Variants in CDH23 observed in about 807,000 individuals in gnomAD.
CDH23 encodes the protein cadherin-23.
In CDH23, 189 loss-of-function variants were observed where a neutral mutation model predicts 317.1. The observed-to-expected ratio is 0.60, with a 90% CI of 0.53 to 0.67. The LOEUF (loss-of-function observed/expected upper bound fraction) is 0.67. Among genes scored for constraint, CDH23 ranks in the 30% least tolerant of loss-of-function variants. The pLI is 0.00. For missense variants in CDH23, 4,401 were observed against 4,592.4 expected (o/e 0.96, Z 1.20); for synonymous variants, 1,839 against 1,876.8 (o/e 0.98, Z 0.52).
chr10:71,585,078 G>A (rs1678643167), intron 9 of CDH23, among the ~76,000 whole-genome samples: 1 of 152,208 alleles, frequency 6.6e-6, no homozygotes, highest in Admixed American at 6.5e-5. Context: ...GAATGAGGGC[G>A]ATCTGCTAAC....
intron 14 of CDH23, among the ~76,000 whole-genome samples, chr10:71,664,193 G>A (rs1330266987): frequency 6.6e-6 from 1 of 152,058 alleles, no homozygotes; most frequent in Non-Finnish European, 1.5e-5. Context: ...GGCAGACACC[G>A]GCCACCCTGA....
chr10:71,545,709 C>T (rs945989567), intron 6 of CDH23, among the ~76,000 whole-genome samples: 8 of 152,142 alleles, frequency 5.3e-5, no homozygotes, highest in Non-Finnish European at 1.0e-4. Flanking sequence ...CCAACGCATA[C>T]ATCTATGTCT....
rs941129797 is a variant in CDH23 at position 71,581,183 on chromosome 10, T to A, written c.832+3191T>A. 3.9e-5 allele frequency among the ~76,000 whole-genome samples: 6 copies of A among 152,226 alleles called. 1 individual carries two copies. Among genetic ancestry groups the A allele is most frequent in the Non-Finnish European group, 8.8e-5 (6 of 68,034 alleles). On this transcript the variant is annotated intron_variant, in intron 9 of 69. Transcript: ENST00000224721. ...GTCACCCTGAGGGCATCTTCACAGC[T>A]GATTGCCCCAAGCTTGCCCTGAGTG...
chr10:71,487,594 T>G (rs1000783916), intron 3 of CDH23, among the ~76,000 whole-genome samples: 1 of 152,210 alleles, frequency 6.6e-6, no homozygotes, highest in Non-Finnish European at 1.5e-5. Context: ...CAAATAATTA[T>G]TAAAAACACA....
chr10:71,738,058 A>G (rs1371609534), intron 34 of CDH23, among the ~76,000 whole-genome samples: 2 of 152,316 alleles, frequency 1.3e-5, no homozygotes, highest in East Asian at 3.9e-4. Context: ...CAGCCCACAC[A>G]TAATATTCTT....
intron 9 of CDH23, among the ~76,000 whole-genome samples, chr10:71,585,063 C>G (rs1444250968): frequency 5.9e-5 from 9 of 152,134 alleles, no homozygotes; most frequent in Non-Finnish European, 2.9e-5. Context: ...GAGCAGGAAG[C>G]ACTGGAATGA....
intron 41 of CDH23, among the ~76,000 whole-genome samples, chr10:71,779,780 G>A (rs951190653): frequency 5.3e-5 from 8 of 152,222 alleles, no homozygotes; most frequent in Non-Finnish European, 7.3e-5. Context: ...CTTACAGTGC[G>A]TGCAGAACAC....
intron 14 of CDH23, among the ~76,000 whole-genome samples, chr10:71,674,752 G>A (rs1193675632): frequency 6.6e-6 from 1 of 152,226 alleles, no homozygotes; most frequent in African/African-American, 2.4e-5. Flanking sequence ...CATTTAGCCT[G>A]CACTGTGGAT....
chr10:71,513,123 A>AGC (rs1854086752), intron 6 of CDH23, among the ~76,000 whole-genome samples: 4 of 152,190 alleles, frequency 2.6e-5, no homozygotes, highest in African/African-American at 9.6e-5. Flanking sequence ...TGCAAAGGAC[A>AGC]CACCGTCCTT....
chr10:71,439,982 A>G, intron 2 of CDH23, 84 bp downstream of exon 2: 6 of 1,076,478 alleles, frequency 5.6e-6, no homozygotes, highest in Non-Finnish European at 8.4e-6. Flanking sequence ...CTGGTGGTTC[A>G]TCTTTGTGCT....
chr10:71,597,706 C>G (rs945771810), intron 9 of CDH23, among the ~76,000 whole-genome samples: 1 of 152,134 alleles, frequency 6.6e-6, no homozygotes, highest in Non-Finnish European at 1.5e-5. Flanking sequence ...CTTTAGCTTG[C>G]TAGACAGTTT....
intron 1 of CDH23, among the ~76,000 whole-genome samples, chr10:71,408,796 G>A (rs1361708248): frequency 6.6e-6 from 1 of 152,212 alleles, no homozygotes; most frequent in Non-Finnish European, 1.5e-5. Context: ...GGGTGTCAGG[G>A]GCAAGGGCAG....
chr10:71,516,072 C>G (rs2132217380), intron 6 of CDH23, among the ~76,000 whole-genome samples: 1 of 152,218 alleles, frequency 6.6e-6, no homozygotes, highest in East Asian at 1.9e-4. Context: ...TTGGAATTTC[C>G]CAGAGGAAAG....
intron 38 of CDH23, among the ~76,000 whole-genome samples, chr10:71,759,705 G>A (rs947390839): frequency 3.3e-5 from 5 of 151,556 alleles, no homozygotes; most frequent in South Asian, 2.1e-4. Flanking sequence ...CTAGCTACTC[G>A]GGAGGCTGAG....
At chr10:71,778,122 T>C (rs1840860839) in intron 39 of CDH23, 67 bp from the exon 40 acceptor site, 3 of 1,594,820 alleles carry the variant, frequency 1.9e-6, no homozygotes, top group Middle Eastern at 1.7e-4. Context: ...ACTTCCCAAA[T>C]TGGTCAGAGG....
chr10:71,705,231 A>T (rs1865742080), intron 25 of CDH23, 101 bp downstream of exon 25: 4 of 1,136,710 alleles, frequency 3.5e-6, no homozygotes, highest in Admixed American at 2.6e-5. Flanking sequence ...ACTGCTGTCT[A>T]TTGGACTTGT....
chr10:71,643,755 C>T, intron 11 of CDH23, 106 bp from the exon 12 acceptor site: 1 of 728,496 alleles, frequency 1.4e-6, no homozygotes, highest in Non-Finnish European at 2.5e-6. Flanking sequence ...CTCCCATGAC[C>T]CAGGGTCTCA....
intron 7 of CDH23, 83 bp from the exon 8 acceptor site, chr10:71,570,707 G>A (rs1857735544): frequency 6.8e-7 from 1 of 1,477,408 alleles, no homozygotes; most frequent in Non-Finnish European, 9.3e-7. Flanking sequence ...GCACGGTGCA[G>A]GTCTGTGTGT....
chr10:71,739,667 C>T lies in CDH23; in HGVS notation c.4383C>T (p.Gly1461=), dbSNP rs1318779896. 1.9e-6 allele frequency: 3 copies of T among 1,613,028 alleles called. No individual in the cohort carries two copies. The African/African-American group carries it at 4.0e-5, about 22-fold the overall frequency. The change falls in exon 36 of 70, where the codon GGC becomes GGT. Residue 1461 remains glycine (G), a synonymous_variant. Coordinates refer to ENST00000224721, the MANE Select transcript of CDH23 (RefSeq NM_022124.6). ...AGGTGGTCTTCTCCCTGGCCTCTGG[C>T]AACATCGCGGGGGCCTTTGAGATCG... ...NGQVVFSLAS[G]NIAGAFEIVT...
Sources: allele counts gnomAD v4.1 joint callset (sites outside exome capture counted in the v4.1 genomes callset), GRCh38; gene constraint gnomAD v4.1.1; transcripts MANE v1.5; gene names NCBI Gene and HGNC (gene_info 2026-07-23, HGNC 2026-07-21).